The following CRACD variants were observed in gnomAD, a reference collection of about 807,000 sequenced individuals.
The protein encoded by CRACD is capping protein inhibiting regulator of actin dynamics.
CRACD carries 56 observed loss-of-function variants against 106.8 expected under a neutral mutation model. The observed-to-expected ratio is 0.52, with a 90% CI of 0.42 to 0.66. The LOEUF (loss-of-function observed/expected upper bound fraction) is 0.66, where lower values mean the gene tolerates loss of function less well. CRACD is among the 30% of genes least tolerant of loss of function. The pLI is 0.00. For missense variants in CRACD, 1,730 were observed against 1,623.2 expected, an observed-to-expected ratio of 1.07 and a Z score of -1.13; for synonymous variants, 754 against 670.8, an observed-to-expected ratio of 1.12 and a Z score of -1.92.
chr4:56,176,383 A>G (rs906582113), intron 1 of CRACD, among the ~76,000 whole-genome samples: 5 of 151,796 alleles, frequency 3.3e-5, no homozygotes, highest in African/African-American at 1.2e-4. Flanking sequence ...TGGGCATTTA[A>G]CAATATTAAT....
intron 1 of CRACD, among the ~76,000 whole-genome samples, chr4:56,170,462 A>ACC (rs1247207884): frequency 6.6e-6 from 1 of 152,104 alleles, no homozygotes; most frequent in African/African-American, 2.4e-5. Flanking sequence ...CATTTTATAT[A>ACC]CTTTTGGTAT....
At position 56,324,100 on chromosome 4, in the gene CRACD, G is replaced by C; in HGVS notation, c.3379-4G>C. 6.2e-7 allele frequency: 1 copy of C among 1,604,306 alleles called. No homozygotes were observed. Among genetic ancestry groups the C allele is most frequent in the Non-Finnish European group, 8.5e-7 (1 of 1,174,618 alleles). On this transcript the variant is annotated splice_region_variant and splice_polypyrimidine_tract_variant and intron_variant, in intron 9 of 10. Transcript: ENST00000682029. The stretch of plus-strand genomic sequence containing the variant: ...GTTTCCCATGACTGTCTCTGCCCAC[G>C]CAGGTCAGTGTCAGCGTGCAGCCTG...
intron 4 of CRACD, among the ~76,000 whole-genome samples, chr4:56,306,523 A>C (rs1248652343): frequency 6.6e-6 from 1 of 152,072 alleles, no homozygotes; most frequent in Non-Finnish European, 1.5e-5. Flanking sequence ...AAACAAACAA[A>C]CAAACAAACA....
chr4:56,274,028 A>T (rs1431085272), intron 3 of CRACD, among the ~76,000 whole-genome samples: 1 of 152,234 alleles, frequency 6.6e-6, no homozygotes, highest in African/African-American at 2.4e-5. Context: ...AGCATTTGTT[A>T]GTCCTGATAC....
chr4:56,175,358 T>C (rs137991102), intron 1 of CRACD, among the ~76,000 whole-genome samples: 1,759 of 152,354 alleles, frequency 0.012, 16 homozygotes, highest in South Asian at 0.016. Flanking sequence ...TTTTTGTTAA[T>C]AGCAATTTTA....
chr4:56,124,553 A>G (rs750517819), intron 1 of CRACD, among the ~76,000 whole-genome samples: 2 of 152,320 alleles, frequency 1.3e-5, no homozygotes, highest in Admixed American at 6.5e-5. Flanking sequence ...AGATTTTCCT[A>G]TTTCACAAAT....
At chr4:56,227,447 G>C (rs185910272) in intron 2 of CRACD, among the ~76,000 whole-genome samples, 113 of 152,286 alleles carry the variant, frequency 7.4e-4, no homozygotes, top group African/African-American at 2.6e-3. Context: ...CATATCATCA[G>C]TAACAAGGAA....
At chr4:56,244,012 A>T (rs1342719861) in intron 2 of CRACD, among the ~76,000 whole-genome samples, 1 of 152,150 alleles carries the variant, frequency 6.6e-6, no homozygotes, top group African/African-American at 2.4e-5. Context: ...TTGATCCAAA[A>T]GTCTTCCAAA....
chr4:56,054,018 T>C (rs1429522959), intron 1 of CRACD, among the ~76,000 whole-genome samples: 1 of 152,176 alleles, frequency 6.6e-6, no homozygotes. Flanking sequence ...TTATGCGTAT[T>C]TATTAATTCT....
chr4:56,157,813 C>T (rs1735814796), intron 1 of CRACD, among the ~76,000 whole-genome samples: 1 of 152,116 alleles, frequency 6.6e-6, no homozygotes. Context: ...GCACTGTATG[C>T]CTCTCCCTTT....
At chr4:56,131,659 G>A (rs1734831373) in intron 1 of CRACD, among the ~76,000 whole-genome samples, 1 of 152,044 alleles carries the variant, frequency 6.6e-6, no homozygotes, top group Admixed American at 6.6e-5. Context: ...ATTTTATTGA[G>A]TAATGCTTTC....
At chr4:56,275,663 G>A (rs866737616) in intron 3 of CRACD, among the ~76,000 whole-genome samples, 2 of 152,074 alleles carry the variant, frequency 1.3e-5, no homozygotes, top group Non-Finnish European at 2.9e-5. Context: ...TTAGTTCATG[G>A]TTCAATTAAC....
At chr4:56,103,190 G>C (rs949820107) in intron 1 of CRACD, among the ~76,000 whole-genome samples, 1 of 152,252 alleles carries the variant, frequency 6.6e-6, no homozygotes, top group East Asian at 1.9e-4. Context: ...GAGGTGAAAG[G>C]GTTCTCAGCC....
chr4:56,324,704 C>G (rs1462715676), intron 10 of CRACD, among the ~76,000 whole-genome samples: 1 of 152,180 alleles, frequency 6.6e-6, no homozygotes, highest in Non-Finnish European at 1.5e-5. Flanking sequence ...GAAGAACCTT[C>G]TAAACAAGAG....
chr4:56,082,724 G>A (rs541981479), intron 1 of CRACD, among the ~76,000 whole-genome samples: 6 of 152,252 alleles, frequency 3.9e-5, no homozygotes, highest in African/African-American at 1.2e-4. Flanking sequence ...TTCAGTTATA[G>A]AGCTGGGACT....
chr4:56,184,619 T>C (rs1737006093), intron 2 of CRACD, among the ~76,000 whole-genome samples: 1 of 152,224 alleles, frequency 6.6e-6, no homozygotes, highest in Non-Finnish European at 1.5e-5. Context: ...TTGCTACTCC[T>C]GCAGCTGTTG....
chr4:56,257,234 A>G (rs1741415828), intron 2 of CRACD, among the ~76,000 whole-genome samples: 1 of 151,890 alleles, frequency 6.6e-6, no homozygotes, highest in African/African-American at 2.4e-5. Context: ...GGTGCCCACC[A>G]CCATGCCTGG....
At chr4:56,072,593 T>A (rs927418594) in intron 1 of CRACD, among the ~76,000 whole-genome samples, 5 of 149,672 alleles carry the variant, frequency 3.3e-5, no homozygotes, top group Non-Finnish European at 7.4e-5. Flanking sequence ...GACCATTTTC[T>A]TTCTTTCTTT....
intron 1 of CRACD, among the ~76,000 whole-genome samples, chr4:56,088,537 A>C (rs1362451131): frequency 6.6e-6 from 1 of 151,934 alleles, no homozygotes; most frequent in African/African-American, 2.4e-5. Context: ...ACTTATACCA[A>C]AATTATCTGG....
Sources: allele counts gnomAD v4.1 joint callset (sites outside exome capture counted in the v4.1 genomes callset), GRCh38; gene constraint gnomAD v4.1.1; transcripts MANE v1.5; gene names NCBI Gene and HGNC (gene_info 2026-07-23, HGNC 2026-07-21).